ARHGEF10L: variants seen among roughly 807,000 people sequenced by gnomAD.
ARHGEF10L encodes Rho guanine nucleotide exchange factor 10 like, also known as rho guanine nucleotide exchange factor 10-like protein.
ARHGEF10L carries 69 observed loss-of-function variants against 141.2 expected under a neutral mutation model. That is an observed-to-expected ratio of 0.49 (90% CI 0.40 to 0.60). The LOEUF is 0.60. Among genes scored for constraint, ARHGEF10L ranks in the 20% least tolerant of loss-of-function variants. ARHGEF10L has a pLI of 0.00. For missense variants in ARHGEF10L, 1,482 were observed against 1,734.3 expected, an observed-to-expected ratio of 0.85 and a Z score of 2.58; for synonymous variants, 711 against 718.5, an observed-to-expected ratio of 0.99 and a Z score of 0.17.
upstream of ARHGEF10L, among the ~76,000 whole-genome samples, chr1:17,535,227 G>T (rs968552943): frequency 6.6e-6 from 1 of 152,146 alleles, no homozygotes; most frequent in Non-Finnish European, 1.5e-5. Flanking sequence ...CACATGCACA[G>T]TTCACAACAG....
rs143147822 is a variant in ARHGEF10L at position 17,634,897 on chromosome 1, C to A, written c.1808C>A (p.Thr603Lys). The A allele has an allele frequency of 1.9e-6, 3 of 1,613,962 alleles. No individual in the cohort carries two copies. In the African/African-American group the frequency reaches 4.0e-5, roughly 22 times the overall value. Reference protein sequence around the residue: ...LGPKYVVKWNTALPQVQVVEV... With the variant: ...LGPKYVVKWNKALPQVQVVEV... The stretch of plus-strand genomic sequence containing the variant: ...CCCAAGTATGTGGTGAAGTGGAACA[C>A]GGCGCTGCCCCAGGTGCAGGTGGTG... Residue 603 changes from threonine (T) to lysine (K), a missense_variant, in exon 18 of 29, where the codon ACG becomes AAG. By Grantham distance (78) the Thr-to-Lys change is moderately conservative. This residue lies in a region of ARHGEF10L where 858 missense variants were observed against 966.3 expected (regional missense o/e 0.89). Coordinates refer to ENST00000361221, the MANE Select transcript of ARHGEF10L (RefSeq NM_018125.4).
At chr1:17,663,093 G>A (rs1466248516) in intron 25 of ARHGEF10L, among the ~76,000 whole-genome samples, 1 of 152,220 alleles carries the variant, frequency 6.6e-6, no homozygotes, top group Non-Finnish European at 1.5e-5. Flanking sequence ...GGCATCAGGT[G>A]TGACTTCTGA....
the ARHGEF10L span, among the ~76,000 whole-genome samples, chr1:17,519,597 C>T: frequency 8.8e-3 from 1,331 of 151,784 alleles, 32 homozygotes; most frequent in East Asian, 0.067. Flanking sequence ...CAGAGAGAGC[C>T]CTTGCCTCAA....
In ARHGEF10L at chr1:17,613,320, C is replaced by A. The variant is rs1056428068; in HGVS notation, c.726+146C>A. ...GGCTGTCCTGAGACCTGGACCCTGG[C>A]CACCCTTGCATCTGTGCTGGAACTG... On this transcript the variant is annotated intron_variant, in intron 8 of 28. Transcript: ENST00000361221. 15 of 652,094 alleles carry A rather than the reference C, an allele frequency of 2.3e-5. No individual in the cohort carries two copies. The East Asian group carries it at 4.0e-4, about 17-fold the overall frequency. The allele number at this position is 652,094 out of a possible 1,614,324, so 40.4% of individuals were successfully genotyped here. A position where few individuals can be genotyped will look rare whatever the true frequency, so the allele number is the denominator to read the frequency against.
At chr1:17,611,486 C>T (rs2059545115) in intron 7 of ARHGEF10L, among the ~76,000 whole-genome samples, 1 of 152,150 alleles carries the variant, frequency 6.6e-6, no homozygotes, top group South Asian at 2.1e-4. Flanking sequence ...CTCAGAGAGA[C>T]TTAAATGATG....
chr1:17,622,887 C>T (rs1303506620), intron 11 of ARHGEF10L, 109 bp from the exon 12 acceptor site: 2 of 1,188,464 alleles, frequency 1.7e-6, no homozygotes, highest in Non-Finnish European at 2.3e-6. Flanking sequence ...GAGTGCCTCC[C>T]CTCCGTGCCA....
At chr1:17,596,319 T>G (rs2080093915) in intron 4 of ARHGEF10L, among the ~76,000 whole-genome samples, 1 of 152,226 alleles carries the variant, frequency 6.6e-6, no homozygotes, top group Non-Finnish European at 1.5e-5. Context: ...TTCCCTTTCC[T>G]TCGTGTCTCT....
intron 26 of ARHGEF10L, among the ~76,000 whole-genome samples, chr1:17,675,555 G>C (rs145854553): frequency 6.7e-6 from 1 of 150,330 alleles, no homozygotes; most frequent in Admixed American, 6.6e-5. Flanking sequence ...GCAGGTGTGC[G>C]TGCAGATGTG....
intron 1 of ARHGEF10L, among the ~76,000 whole-genome samples, chr1:17,548,138 C>T (rs1172265605): frequency 2.0e-5 from 3 of 152,086 alleles, no homozygotes; most frequent in Non-Finnish European, 4.4e-5. Context: ...GTAATGTTGG[C>T]TTTTGTCATG....
chr1:17,666,071 G>A (rs994519765), intron 26 of ARHGEF10L, among the ~76,000 whole-genome samples: 1 of 152,182 alleles, frequency 6.6e-6, no homozygotes, highest in Non-Finnish European at 1.5e-5. Context: ...TTCCATTCAG[G>A]CTTCAGCAGA....
At chr1:17,632,645 G>A (rs1571104846) in intron 16 of ARHGEF10L, among the ~76,000 whole-genome samples, 179 bp downstream of exon 16, 1 of 152,212 alleles carries the variant, frequency 6.6e-6, no homozygotes, top group East Asian at 1.9e-4. Flanking sequence ...ACGCTGGGAA[G>A]TACCTGGAGC....
intron 9 of ARHGEF10L, chr1:17,618,602 A>T: frequency 9.3e-7 from 1 of 1,080,696 alleles, no homozygotes; most frequent in Non-Finnish European, 1.2e-6. Flanking sequence ...CAGCTTCCTC[A>T]CAGCTCCCAT....
intron 27 of ARHGEF10L, chr1:17,689,970 C>T (rs1306694503): frequency 1.3e-5 from 5 of 392,436 alleles, no homozygotes; most frequent in South Asian, 3.7e-5. Flanking sequence ...CGTTGTCTTA[C>T]TTACTCTTTG....
chr1:17,514,460 G>A, the ARHGEF10L span, among the ~76,000 whole-genome samples: 1 of 152,130 alleles, frequency 6.6e-6, no homozygotes, highest in South Asian at 2.1e-4. Flanking sequence ...TTCTGAGGCA[G>A]AGAATGTGAC....
chr1:17,566,211 T>A (rs1173806154), intron 1 of ARHGEF10L, among the ~76,000 whole-genome samples: 3 of 152,140 alleles, frequency 2.0e-5, no homozygotes, highest in Admixed American at 1.3e-4. Context: ...TCATTCTTTG[T>A]GTTGGGGCTG....
chr1:17,569,616 G>A (rs181518975), intron 1 of ARHGEF10L, among the ~76,000 whole-genome samples: 1 of 152,300 alleles, frequency 6.6e-6, no homozygotes, highest in Non-Finnish European at 1.5e-5. Flanking sequence ...AGCCAGATGG[G>A]ACCCTGTGGG....
At chr1:17,586,393 G>A (rs1002902436) in intron 2 of ARHGEF10L, among the ~76,000 whole-genome samples, 14 of 152,164 alleles carry the variant, frequency 9.2e-5, no homozygotes, top group African/African-American at 3.4e-4. Context: ...TGCTTAGGGC[G>A]GTCAGCTTGG....
Position 17,697,796 on chromosome 1 carries a change from A to G in ARHGEF10L, c.*416A>G, listed in dbSNP as rs1408065349. ...AATAAGTATATATGGTGTATATTAT[A>G]TGTGTATAAATAAAGTCTGTACATA... is the stretch of plus-strand genomic sequence containing the variant. On this transcript the variant is annotated 3_prime_UTR_variant, in exon 29 of 29. Coordinates refer to ENST00000361221, the MANE Select transcript of ARHGEF10L (RefSeq NM_018125.4). The surrounding 1 kb of genome is among the most constrained non-coding windows in gnomAD (Gnocchi z 4.8). The G allele has an allele frequency of 2.8e-6, 1 of 355,402 alleles. No individual in the cohort carries two copies. Among genetic ancestry groups the G allele is most frequent in the South Asian group, 2.1e-5 (1 of 47,384 alleles). 22.0% of individuals were successfully genotyped at this position (355,402 alleles called of 1,614,324 possible).
At position 17,627,113 on chromosome 1, in the gene ARHGEF10L, G is replaced by T. The variant is rs2060430456; in HGVS notation, c.1411-217G>T. 6.6e-6 allele frequency among the ~76,000 whole-genome samples: 1 copy of T among 152,236 alleles called. No homozygotes were observed. Among genetic ancestry groups the T allele is most frequent in the Admixed American group, 6.5e-5 (1 of 15,292 alleles). The stretch of plus-strand genomic sequence containing the variant: ...TGAGACCCCGCTTTCAGTTCATGTG[G>T]GTCTATTCCTAGAAAGATCCATGCT... On this transcript the variant is annotated intron_variant, in intron 14 of 28. Coordinates refer to ENST00000361221, the MANE Select transcript of ARHGEF10L (RefSeq NM_018125.4). This position sits in a 1 kb window ranked among gnomAD's most constrained non-coding sequence, Gnocchi z 4.0.
Sources: gnomAD v4.1 joint callset for allele counts (sites outside exome capture counted in the v4.1 genomes callset) on GRCh38, gnomAD v4.1.1 for gene constraint, gnomAD v4.1.1 regional missense constraint, Gnocchi (gnomAD v3.1) non-coding constraint, MANE v1.5 for transcripts, NCBI Gene and HGNC (gene_info 2026-07-23, HGNC 2026-07-21) for gene names.